The following TM2D1 variants were observed in gnomAD, a reference collection of about 807,000 sequenced individuals.
TM2D1 encodes the protein TM2 domain containing 1, also known as TM2 domain-containing protein 1.
Under a neutral mutation model 28.4 loss-of-function variants are expected in TM2D1, and 15 were observed. That is an observed-to-expected ratio of 0.53 (90% CI 0.35 to 0.81). The LOEUF is 0.81. Ranked by LOEUF, TM2D1 falls within the 40% of genes least tolerant of loss-of-function variation. The pLI is 0.01. For missense variants in TM2D1, 236 were observed against 254.9 expected (o/e 0.93, Z 0.50); for synonymous variants, 93 against 96.2 (o/e 0.97, Z 0.20).
chr1:61,696,005 A>G (rs1644360341), intron 4 of TM2D1: 1 of 152,184 alleles, frequency 6.6e-6, no homozygotes, highest in Non-Finnish European at 1.5e-5. Flanking sequence ...TTTGTTGCAT[A>G]AATTGATAAA....
chr1:61,718,226 G>A (rs977930096), intron 2 of TM2D1, among the ~76,000 whole-genome samples: 146 of 152,110 alleles, frequency 9.6e-4, no homozygotes, highest in African/African-American at 3.4e-3. Context: ...GGAGGTGGAG[G>A]TTAGAGTGAG....
chr1:61,701,017 T>C lies in TM2D1; in HGVS notation c.356A>G (p.Tyr119Cys), dbSNP rs752334447. The change falls in exon 4 of 7, where the codon TAT (tyrosine) becomes TGT (cysteine). Residue 119 changes from tyrosine to cysteine, a missense_variant. This residue lies in a region of TM2D1 where 167 missense variants were observed against 162.7 expected (regional missense o/e 1.03). Transcript: ENST00000606498. ...CAATGCGACTGCCACTTTGTAGGAA[T>C]AGCCATTTCTGCAAAAAATTAAAAT... ...KPISCRNVNGYSYKVAVALSL... is the reference protein window; with the variant it reads ...KPISCRNVNGCSYKVAVALSL... The C allele has an allele frequency of 2.4e-5, 38 of 1,608,390 alleles. No homozygotes were observed. Among genetic ancestry groups the C allele is most frequent in the Non-Finnish European group, 3.1e-5 (36 of 1,178,054 alleles).
chr1:61,682,282 TTCTC>T (rs1644249915), intron 6 of TM2D1, among the ~76,000 whole-genome samples: 1 of 152,140 alleles, frequency 6.6e-6, no homozygotes, highest in Admixed American at 6.5e-5. Context: ...TACCCTGTCT[TTCTC>T]TCTACCTGTC....
intron 5 of TM2D1, among the ~76,000 whole-genome samples, chr1:61,687,121 G>C (rs991327002): frequency 6.6e-6 from 1 of 152,146 alleles, no homozygotes; most frequent in Non-Finnish European, 1.5e-5. Flanking sequence ...AGGCAGGATA[G>C]CTTGAGCCCA....
chr1:61,722,760 C>T (rs1286625), intron 2 of TM2D1, among the ~76,000 whole-genome samples: 36,844 of 152,004 alleles, frequency 0.24, 4,548 homozygotes, highest in Non-Finnish European at 0.26. Flanking sequence ...TTGTTTATAT[C>T]ATAGTTTTCA....
intron 3 of TM2D1, among the ~76,000 whole-genome samples, chr1:61,708,077 GT>G (rs1445697991): frequency 6.6e-6 from 1 of 152,094 alleles, no homozygotes; most frequent in Non-Finnish European, 1.5e-5. Flanking sequence ...TTAATTTTAA[GT>G]TTTTTAGAGA....
intron 3 of TM2D1, among the ~76,000 whole-genome samples, chr1:61,706,186 T>G (rs112774453): frequency 6.6e-6 from 1 of 152,176 alleles, no homozygotes; most frequent in South Asian, 2.1e-4. Context: ...CATTGTTCTG[T>G]TGAGCAATGC....
intron 3 of TM2D1, among the ~76,000 whole-genome samples, chr1:61,704,963 T>C (rs1249992278): frequency 1.3e-5 from 2 of 152,084 alleles, no homozygotes; most frequent in African/African-American, 2.4e-5. Flanking sequence ...GATTAAGATA[T>C]GAACTGTAAA....
At chr1:61,716,051 C>A (rs999940629) in intron 2 of TM2D1, among the ~76,000 whole-genome samples, 2 of 151,668 alleles carry the variant, frequency 1.3e-5, no homozygotes, top group Non-Finnish European at 2.9e-5. Flanking sequence ...GTGATCCACC[C>A]GCCTCGGCCT....
Position 61,683,494 on chromosome 1 carries a change from C to T in TM2D1, c.566G>A (p.Arg189Lys). 6.5e-7 allele frequency: 1 copy of T among 1,545,234 alleles called. No individual in the cohort carries two copies. The highest frequency in any genetic ancestry group is 2.3e-5 in the East Asian group (1 of 42,894). ...SSYIIDYYGT[R>K]LTRLSITNET... ...ATTAGTAATACTCAGTCTTGTAAGT[C>T]TGGTTCCATAGTAATCTATAATGTA... The change falls in exon 6 of 7, where the codon AGA becomes AAA. Residue 189 changes from arginine (R) to lysine (K), a missense_variant. Physicochemically the swap from Arg to Lys is conservative, Grantham distance 26. Around this residue, in one of 3 missense-constraint regions of TM2D1, gnomAD observed 64 missense variants for 73.1 expected, o/e 0.88. Coordinates refer to ENST00000606498, the MANE Select transcript of TM2D1 (RefSeq NM_032027.3).
intron 5 of TM2D1, among the ~76,000 whole-genome samples, chr1:61,691,624 A>T (rs1644325446): frequency 6.6e-6 from 1 of 151,680 alleles, no homozygotes; most frequent in South Asian, 2.1e-4. Context: ...CATATATAAA[A>T]ATATAAGGAG....
intron 2 of TM2D1, among the ~76,000 whole-genome samples, chr1:61,715,645 C>CAAAAAAAAAAAAAAAAAAAAAAAAA (rs759796747): frequency 1.8e-4 from 3 of 16,424 alleles, no homozygotes; most frequent in Non-Finnish European, 3.8e-4. Flanking sequence ...AAGACTGTCT[C>CAAAAAAAAAAAAAAAAAAAAAAAAA]AAAAAAAAAA....
intron 3 of TM2D1, among the ~76,000 whole-genome samples, chr1:61,701,465 AG>A (rs1311097075): frequency 3.3e-5 from 5 of 152,110 alleles, no homozygotes; most frequent in African/African-American, 1.2e-4. Flanking sequence ...CATGCTTCTG[AG>A]GAAAGAGTGT....
At chr1:61,719,409 C>CAGAG (rs59016152) in intron 2 of TM2D1, among the ~76,000 whole-genome samples, 3,194 of 149,290 alleles carry the variant, frequency 0.021, 90 homozygotes, top group African/African-American at 0.071. Context: ...AGTATATACA[C>CAGAG]AGAGAGAGAG....
chr1:61,704,208 C>T (rs886644530), intron 3 of TM2D1, among the ~76,000 whole-genome samples: 1 of 151,766 alleles, frequency 6.6e-6, no homozygotes, highest in African/African-American at 2.4e-5. Flanking sequence ...ATATTAAGGT[C>T]TAAAACTGAA....
At chr1:61,692,457 AGAAG>A (rs779501828) in intron 5 of TM2D1, among the ~76,000 whole-genome samples, 38 of 151,862 alleles carry the variant, frequency 2.5e-4, no homozygotes, top group Non-Finnish European at 4.0e-4. Flanking sequence ...AAAGATGGAA[AGAAG>A]GAAGGAAGGA....
chr1:61,710,495 T>C (rs935976290), intron 2 of TM2D1, among the ~76,000 whole-genome samples: 9 of 81,590 alleles, frequency 1.1e-4, no homozygotes, highest in African/African-American at 3.9e-4. Context: ...CACACACATA[T>C]ACACACATAC....
At chr1:61,699,567 A>T in intron 4 of TM2D1, 3 of 152,368 alleles carry the variant, frequency 2.0e-5, no homozygotes. Context: ...TATATGCTTT[A>T]CACATGCTGT....
chr1:61,682,892 C>CAAAAAAAAAAA (rs66468339), intron 6 of TM2D1, among the ~76,000 whole-genome samples: 1 of 60,646 alleles, frequency 1.6e-5, no homozygotes, highest in Non-Finnish European at 3.6e-5. Context: ...GACTCTGTCT[C>CAAAAAAAAAAA]AAAAAAAAAA....
Sources: allele counts gnomAD v4.1 joint callset (sites outside exome capture counted in the v4.1 genomes callset), GRCh38; gene constraint gnomAD v4.1.1; regional missense constraint gnomAD v4.1.1; transcripts MANE v1.5; gene names NCBI Gene and HGNC (gene_info 2026-07-23, HGNC 2026-07-21).